ME1: variants seen among roughly 807,000 people sequenced by gnomAD.
The protein encoded by ME1 is malic enzyme 1.
Under a neutral mutation model 66.4 loss-of-function variants are expected in ME1, and 74 were observed. The ratio of observed to expected loss-of-function variants is 1.11; its 90% confidence interval spans 0.92 to 1.35. The LOEUF is 1.35. Ranked by LOEUF, ME1 falls within the 40% of genes most tolerant of loss-of-function variation. ME1 has a pLI of 0.00. For synonymous variants in ME1, 251 were observed against 235.6 expected (o/e 1.07, Z -0.60); for missense variants, 750 against 694.1 (o/e 1.08, Z -0.90).
chr6:83,299,452 T>C (rs1767671222), intron 6 of ME1, among the ~76,000 whole-genome samples: 1 of 152,214 alleles, frequency 6.6e-6, no homozygotes, highest in African/African-American at 2.4e-5. Flanking sequence ...ACTGATTTTG[T>C]ATCCTAAGAC....
chr6:83,430,803 G>A, intron 1 of ME1, 74 bp downstream of exon 1: 1 of 1,313,852 alleles, frequency 7.6e-7, no homozygotes, highest in Non-Finnish European at 1.1e-6. Flanking sequence ...AGGCCATGGT[G>A]CGGGGACCTG....
At position 83,346,177 on chromosome 6, in the gene ME1, T is replaced by A; in HGVS notation, c.596A>T (p.Asn199Ile). 6.2e-7 allele frequency: 1 copy of A among 1,605,670 alleles called. No homozygotes were observed. Among genetic ancestry groups the A allele is most frequent in the East Asian group, 2.2e-5 (1 of 44,590 alleles). Residue 199 changes from asparagine to isoleucine, a missense_variant, in exon 5 of 14, where the codon AAT becomes ATT. Coordinates refer to ENST00000369705, the MANE Select transcript of ME1 (RefSeq NM_002395.6). ...LPVILDVGTENEELLKDPLYI... is the reference protein window; with the variant it reads ...LPVILDVGTEIEELLKDPLYI... ...TTATAGACGTAAATTATTTACCTCATTTTCGGTTCCCACATCCAGAATGAC... is the reference window on the plus strand; with the variant it reads ...TTATAGACGTAAATTATTTACCTCAATTTCGGTTCCCACATCCAGAATGAC...
chr6:83,294,857 C>G (rs1767568944), intron 6 of ME1, among the ~76,000 whole-genome samples: 1 of 152,088 alleles, frequency 6.6e-6, no homozygotes, highest in East Asian at 1.9e-4. Context: ...GGTTAGAGCC[C>G]CAGAAGAAAA....
chr6:83,227,782 C>CT (rs1245929375), intron 10 of ME1, among the ~76,000 whole-genome samples: 1 of 152,156 alleles, frequency 6.6e-6, no homozygotes, highest in Non-Finnish European at 1.5e-5. Flanking sequence ...AATGTGTAAA[C>CT]TTTCTTTATA....
intron 1 of ME1, among the ~76,000 whole-genome samples, chr6:83,417,453 T>A (rs925027483): frequency 1.3e-5 from 2 of 152,122 alleles, no homozygotes; most frequent in Non-Finnish European, 2.9e-5. Flanking sequence ...TGATCTCGGA[T>A]CATTGCAACC....
At chr6:83,221,106 G>A (rs910312480) in intron 12 of ME1, among the ~76,000 whole-genome samples, 2 of 149,680 alleles carry the variant, frequency 1.3e-5, no homozygotes, top group Non-Finnish European at 2.9e-5. Flanking sequence ...GTTGCAGTGG[G>A]CCAAGATCAC....
At chr6:83,251,597 G>C (rs1790726537) in intron 7 of ME1, among the ~76,000 whole-genome samples, 1 of 152,140 alleles carries the variant, frequency 6.6e-6, no homozygotes, top group South Asian at 2.1e-4. Flanking sequence ...CCCAGACCCA[G>C]AAATTCAGAA....
At chr6:83,390,774 G>C (rs960123844) in intron 3 of ME1, among the ~76,000 whole-genome samples, 3 of 151,934 alleles carry the variant, frequency 2.0e-5, no homozygotes, top group African/African-American at 7.3e-5. Context: ...CCTCCACCTA[G>C]ATTCAACATT....
chr6:83,334,449 T>A (rs2128542569), intron 5 of ME1, among the ~76,000 whole-genome samples: 1 of 26,940 alleles, frequency 3.7e-5, no homozygotes, highest in Admixed American at 3.8e-4. Context: ...AAGCTCGAAC[T>A]GGGTGGAGCC....
intron 13 of ME1, among the ~76,000 whole-genome samples, chr6:83,213,135 C>T (rs528617218): frequency 5.3e-5 from 8 of 150,586 alleles, no homozygotes; most frequent in South Asian, 2.1e-4. Flanking sequence ...TGGGTTCAAG[C>T]GATTCTCTGG....
rs139983090 is a variant in ME1 at position 83,374,861 on chromosome 6, C to G, written c.363-22722G>C. ...CATTTATTAAATAGGAATTCCTTTCCCCATTGCTTGTTTTTGTCAGGTTTG... is the reference window on the plus strand; with the variant it reads ...CATTTATTAAATAGGAATTCCTTTCGCCATTGCTTGTTTTTGTCAGGTTTG... On this transcript the variant is annotated intron_variant, in intron 3 of 13. Transcript: ENST00000369705. 6.6e-5 allele frequency among the ~76,000 whole-genome samples: 10 copies of G among 152,236 alleles called. No homozygotes were observed. The East Asian group carries it at 1.9e-3, about 29-fold the overall frequency.
At chr6:83,372,818 G>A in intron 3 of ME1, among the ~76,000 whole-genome samples, 1 of 152,148 alleles carries the variant, frequency 6.6e-6, no homozygotes, top group East Asian at 1.9e-4. Context: ...TAAGGCAAAA[G>A]AACCATATGT....
In ME1 at chr6:83,346,351, AATTACCT is replaced by A. The variant is rs1393464877; in HGVS notation, c.439-24_439-18del. ...CACAATGGCCTGGAAGAAAAAGAAAAATTACCTATTAACAAGTTTTCACAAATCCTGA... is the reference window on the plus strand; with the variant it reads ...CACAATGGCCTGGAAGAAAAAGAAAAATTAACAAGTTTTCACAAATCCTGA... On this transcript the variant is annotated intron_variant, in intron 4 of 13. Coordinates refer to ENST00000369705, the MANE Select transcript of ME1 (RefSeq NM_002395.6). 1 of 1,559,448 alleles carries A rather than the reference AATTACCT, an allele frequency of 6.4e-7. No individual in the cohort carries two copies. The highest frequency in any genetic ancestry group is 1.2e-5 in the South Asian group (1 of 82,330).
At chr6:83,344,431 A>G (rs1182888803) in intron 5 of ME1, among the ~76,000 whole-genome samples, 1 of 152,180 alleles carries the variant, frequency 6.6e-6, no homozygotes, top group Non-Finnish European at 1.5e-5. Context: ...TGTAAACAAA[A>G]AAGTAGCTGG....
At chr6:83,390,927 T>C (rs1044284108) in intron 3 of ME1, among the ~76,000 whole-genome samples, 1 of 152,052 alleles carries the variant, frequency 6.6e-6, no homozygotes, top group East Asian at 1.9e-4. Flanking sequence ...TTTATATATA[T>C]GTAAACATAT....
intron 6 of ME1, among the ~76,000 whole-genome samples, chr6:83,289,287 T>G (rs1293725486): frequency 6.6e-6 from 1 of 152,216 alleles, no homozygotes; most frequent in Non-Finnish European, 1.5e-5. Context: ...GCTATGGGTT[T>G]GTCATAAATA....
In ME1 at chr6:83,398,387, A is replaced by C. The variant is rs767868561; in HGVS notation, c.342T>G (p.Ser114Arg). 23 of 1,583,948 alleles carry C rather than the reference A, an allele frequency of 1.5e-5. No individual in the cohort carries two copies. In the African/African-American group the frequency reaches 2.5e-4, roughly 17 times the overall value. ...PTVGLACQQY[S>R]LVFRKPRGLF... ...CATACCTTGGCTTCCGAAACACCAA[A>C]CTATATTGTTGGCAAGCCAGACCCA... Residue 114 changes from serine to arginine, a missense_variant, in exon 3 of 14, where the codon AGT (serine) becomes AGG (arginine). Transcript: ENST00000369705.
intron 1 of ME1, among the ~76,000 whole-genome samples, chr6:83,424,372 C>T (rs560041331): frequency 4.8e-4 from 73 of 151,358 alleles, no homozygotes; most frequent in African/African-American, 1.7e-3. Flanking sequence ...CAAAAACTCA[C>T]AGAATAAATC....
intron 3 of ME1, among the ~76,000 whole-genome samples, chr6:83,388,152 A>G (rs1045724819): frequency 1.4e-5 from 2 of 140,652 alleles, no homozygotes; most frequent in African/African-American, 5.3e-5. Context: ...CAGTGGTGTA[A>G]TTACAGCTCA....
Sources: gnomAD v4.1 joint callset for allele counts (sites outside exome capture counted in the v4.1 genomes callset) on GRCh38, gnomAD v4.1.1 for gene constraint, MANE v1.5 for transcripts, NCBI Gene and HGNC (gene_info 2026-07-23, HGNC 2026-07-21) for gene names.